Variants in MSC observed in about 807,000 individuals in gnomAD.
MSC encodes the protein activated B-cell factor 1, homolog of mouse musculin.
A neutral mutation model predicts 14.4 loss-of-function variants in MSC; 16 were observed. The observed-to-expected ratio is 1.11, with a 90% CI of 0.75 to 1.69. The LOEUF is 1.69. MSC is among the 40% of genes most tolerant of loss of function. The probability of loss-of-function intolerance (pLI) is 0.00; values close to 1 mark genes in which losing one functional copy is unlikely to be tolerated. For missense variants in MSC, 320 were observed against 288.1 expected (o/e 1.11, Z -0.80); for synonymous variants, 165 against 128.5 (o/e 1.28, Z -1.92).
Position 71,843,891 on chromosome 8 carries a change from C to G in MSC, c.288G>C (p.Pro96=). The change falls in exon 1 of 2, where the codon CCG becomes CCC. Residue 96 remains proline, a synonymous_variant. Transcript: ENST00000325509. ...TGCACTCTGCGGCTGAGCCCTTGGC[C>G]GGGAGGGGCTTCTTGCCACCACCGC... The part of the protein sequence containing the change: ...SAGGGGKKPL[P]AKGSAAECKQ... The G allele has an allele frequency of 1.9e-6, 3 of 1,602,392 alleles. No homozygotes were observed. The highest frequency in any genetic ancestry group is 2.6e-6 in the Non-Finnish European group (3 of 1,175,006).
chr8:71,843,913 C>T lies in MSC; in HGVS notation c.266G>A (p.Gly89Asp). 2 of 1,584,126 alleles carry T rather than the reference C, an allele frequency of 1.3e-6. No individual in the cohort carries two copies. The highest frequency in any genetic ancestry group is 1.1e-5 in the South Asian group (1 of 88,188). ...GGCCGGGAGGGGCTTCTTGCCACCA[C>T]CGCCCGCGCTACCACCTGCGCCGCC... The part of the protein sequence containing the change: ...GGGGAGGSAG[G>D]GGKKPLPAKG... The change falls in exon 1 of 2, where the codon GGT becomes GAT. Residue 89 changes from glycine to aspartate, a missense_variant. By Grantham distance (94) the Gly-to-Asp change is moderately conservative (BLOSUM62 -1). Coordinates refer to ENST00000325509, the MANE Select transcript of MSC (RefSeq NM_005098.4).
chr8:71,841,603 T>G lies in MSC; in HGVS notation c.*1058A>C, dbSNP rs1164987733. The G allele has an allele frequency of 1.3e-5, 2 of 152,172 alleles. No homozygotes were observed. Among genetic ancestry groups the G allele is most frequent in the African/African-American group, 4.8e-5 (2 of 41,442 alleles). 9.4% of individuals were successfully genotyped at this position (152,172 alleles called of 1,614,324 possible). A position where few individuals can be genotyped will look rare whatever the true frequency, so the allele number is the denominator to read the frequency against. ...TTTTATTATTCATAAAAAAATAAAT[T>G]TATTTACATATGTTATTTCCTGTGG... is the stretch of plus-strand genomic sequence containing the variant. On this transcript the variant is annotated 3_prime_UTR_variant, in exon 2 of 2. Transcript: ENST00000325509.
chr8:71,842,035 T>C lies in MSC; in HGVS notation c.*626A>G, dbSNP rs16937841. The C allele has an allele frequency of 0.017, 2,591 of 154,620 alleles. 75 individuals carry two copies. Among genetic ancestry groups the C allele is most frequent in the African/African-American group, 0.059 (2,445 of 41,582 alleles). 9.6% of individuals were successfully genotyped at this position (154,620 alleles called of 1,614,324 possible). A position where few individuals can be genotyped will look rare whatever the true frequency, so the allele number is the denominator to read the frequency against. On this transcript the variant is annotated 3_prime_UTR_variant, in exon 2 of 2. Transcript: ENST00000325509. ...CAGAGCTCTCCGGGTAAAACCCGCCTGCGGTGATCTGGGAAGTGTGTCTCC... is the reference window on the plus strand; with the variant it reads ...CAGAGCTCTCCGGGTAAAACCCGCCCGCGGTGATCTGGGAAGTGTGTCTCC...
chr8:71,843,797 A>G lies in MSC; in HGVS notation c.382T>C (p.Ser128Pro). 6.2e-7 allele frequency: 1 copy of G among 1,613,832 alleles called. No homozygotes were observed. Among genetic ancestry groups the G allele is most frequent in the East Asian group, 2.2e-5 (1 of 44,886 alleles). ...CAGGGCAGGCTGGTCTTGAGCCTGG[A>G]GAAGGCTTTGCTCAGCACGCGCATC... ...ARMRVLSKAFSRLKTSLPWVP... is the reference protein window; with the variant it reads ...ARMRVLSKAFPRLKTSLPWVP... The change falls in exon 1 of 2, where the codon TCC (serine) becomes CCC (proline). Residue 128 changes from serine to proline, a missense_variant. By Grantham distance (74) the Ser-to-Pro change is moderately conservative. Coordinates refer to ENST00000325509, the MANE Select transcript of MSC (RefSeq NM_005098.4).
At position 71,843,942 on chromosome 8, in the gene MSC, C is replaced by G. The variant is rs777176112; in HGVS notation, c.237G>C (p.Gly79=). Residue 79 remains glycine (G), a synonymous_variant, in exon 1 of 2, where the codon GGG becomes GGC. Transcript: ENST00000325509. ...CCGCGCTACCACCTGCGCCGCCGCC[C>G]CCAGCCACACGGGGCCGCTTCCTCT... ...GCKRKRPRVA[G]GGGAGGSAGG... is the part of the protein sequence containing the mutation. 1.3e-6 allele frequency: 2 copies of G among 1,563,672 alleles called. No individual in the cohort carries two copies. Among genetic ancestry groups the G allele is most frequent in the Admixed American group, 1.9e-5 (1 of 53,150 alleles).
intron 1 of MSC, chr8:71,843,111 C>G (rs1807424256): frequency 2.9e-6 from 1 of 342,050 alleles, no homozygotes; most frequent in South Asian, 2.6e-5. Flanking sequence ...CAAGTAGGAA[C>G]TGGGCTTGGA....
rs1807386340 is a variant in MSC, at chr8:71,841,907, A to T, written c.*754T>A. On this transcript the variant is annotated 3_prime_UTR_variant, in exon 2 of 2. Transcript: ENST00000325509. ...GCGGGGCTTGGGGAGGCTTCAGCCCAGAAGTGGAGAGGGTTGACAGACGCC... is the reference window on the plus strand; with the variant it reads ...GCGGGGCTTGGGGAGGCTTCAGCCCTGAAGTGGAGAGGGTTGACAGACGCC... The T allele has an allele frequency of 1.3e-5, 2 of 152,742 alleles. No individual in the cohort carries two copies. The highest frequency in any genetic ancestry group is 4.1e-4 in the South Asian group (2 of 4,838). 9.5% of individuals were successfully genotyped at this position (152,742 alleles called of 1,614,324 possible).
In MSC at chr8:71,844,216, C is replaced by A. The variant is rs757576774; in HGVS notation, c.-38G>T. 4.5e-4 allele frequency: 721 copies of A among 1,599,236 alleles called. No homozygotes were observed. The highest frequency in any genetic ancestry group is 5.7e-4 in the Non-Finnish European group (672 of 1,172,892). ...CTTGCCCACACGCGTCCTCTTTCCTCCCCCCTGGCCAGTCTCGCTGTCTCC... is the reference window on the plus strand; with the variant it reads ...CTTGCCCACACGCGTCCTCTTTCCTACCCCCTGGCCAGTCTCGCTGTCTCC... On this transcript the variant is annotated 5_prime_UTR_variant, in exon 1 of 2. Transcript: ENST00000325509.
rs1585712600 is a variant in MSC at position 71,842,366 on chromosome 8, T to G, written c.*295A>C. The stretch of plus-strand genomic sequence containing the variant: ...CGCGGGCTGGGGCAGCAGCCGAGAG[T>G]TAGTCTACAGAGCTAGGGCCCGAGG... On this transcript the variant is annotated 3_prime_UTR_variant, in exon 2 of 2. Coordinates refer to ENST00000325509, the MANE Select transcript of MSC (RefSeq NM_005098.4). 1.1e-5 allele frequency: 4 copies of G among 379,758 alleles called. No individual in the cohort carries two copies. The highest frequency in any genetic ancestry group is 1.1e-4 in the East Asian group (2 of 17,668). 23.5% of individuals were successfully genotyped at this position (379,758 alleles called of 1,614,324 possible).
Position 71,844,066 on chromosome 8 carries a change from T to G in MSC, c.113A>C (p.Tyr38Ser), listed in dbSNP as rs1031589354. ...RPPLRGVERS[Y>S]ASPSDNSSAE... The stretch of plus-strand genomic sequence containing the variant: ...CGACGAGTTGTCACTGGGCGAGGCG[T>G]AGCTGCGCTCTACGCCGCGGAGGGG... Residue 38 changes from tyrosine (Y) to serine (S), a missense_variant, in exon 1 of 2, where the codon TAC becomes TCC. Coordinates refer to ENST00000325509, the MANE Select transcript of MSC (RefSeq NM_005098.4). 12 of 1,529,026 alleles carry G rather than the reference T, an allele frequency of 7.8e-6. No homozygotes were observed. The African/African-American group carries it at 1.4e-4, about 18-fold the overall frequency. The allele number at this position is 1,529,026 out of a possible 1,614,324, so 94.7% of individuals were successfully genotyped here.
In MSC at chr8:71,844,080, G is replaced by A. The variant is rs756904680; in HGVS notation, c.99C>T (p.Gly33=). The A allele has an allele frequency of 2.1e-5, 32 of 1,515,990 alleles. No individual in the cohort carries two copies. The South Asian group carries it at 3.2e-4, about 15-fold the overall frequency. The allele number at this position is 1,515,990 out of a possible 1,614,324, so 93.9% of individuals were successfully genotyped here. A position where few individuals can be genotyped will look rare whatever the true frequency, so the allele number is the denominator to read the frequency against. Residue 33 remains glycine (G), a synonymous_variant, in exon 1 of 2, where the codon GGC becomes GGT. Transcript: ENST00000325509. ...VPASKRPPLR[G]VERSYASPSD... is the part of the protein sequence containing the mutation. ...TGGGCGAGGCGTAGCTGCGCTCTAC[G>A]CCGCGGAGGGGCGGCCTCTTGGAGG...
rs1352699099 is a variant in MSC at position 71,842,392 on chromosome 8, G to A, written c.*269C>T. On this transcript the variant is annotated 3_prime_UTR_variant, in exon 2 of 2. Transcript: ENST00000325509. Reference sequence around the variant, plus strand: ...TAGTCTACAGAGCTAGGGCCCGAGGGTGGACCTGCGTCCGCGTCTCGTCAC... The same window carrying A: ...TAGTCTACAGAGCTAGGGCCCGAGGATGGACCTGCGTCCGCGTCTCGTCAC... 9.0e-6 allele frequency: 4 copies of A among 443,366 alleles called. No individual in the cohort carries two copies. Among genetic ancestry groups the A allele is most frequent in the African/African-American group, 6.0e-5 (3 of 49,730 alleles). 27.5% of individuals were successfully genotyped at this position (443,366 alleles called of 1,614,324 possible). A position where few individuals can be genotyped will look rare whatever the true frequency, so the allele number is the denominator to read the frequency against.
chr8:71,844,266 G>T lies in MSC; in HGVS notation c.-88C>A, dbSNP rs1807463938. ...CGCCTTCCGCTCCCTGGCGGAGGCG[G>T]AGGCCAGAGAGCGCTCCAAGGAAGA... On this transcript the variant is annotated 5_prime_UTR_variant, in exon 1 of 2. Coordinates refer to ENST00000325509, the MANE Select transcript of MSC (RefSeq NM_005098.4). The T allele has an allele frequency of 6.4e-7, 1 of 1,569,996 alleles. No homozygotes were observed. Among genetic ancestry groups the T allele is most frequent in the Admixed American group, 1.7e-5 (1 of 58,346 alleles).
At chr8:71,843,056 A>G (rs1163203790) in intron 1 of MSC, 1 of 345,238 alleles carries the variant, frequency 2.9e-6, no homozygotes. Flanking sequence ...ACACGCACAC[A>G]CACACACACA....
chr8:71,841,614 T>C lies in MSC; in HGVS notation c.*1047A>G, dbSNP rs1367930501. 2 of 152,236 alleles carry C rather than the reference T, an allele frequency of 1.3e-5. No homozygotes were observed. Among genetic ancestry groups the C allele is most frequent in the African/African-American group, 4.8e-5 (2 of 41,470 alleles). 9.4% of individuals were successfully genotyped at this position (152,236 alleles called of 1,614,324 possible). On this transcript the variant is annotated 3_prime_UTR_variant, in exon 2 of 2. Transcript: ENST00000325509. ...ATAAAAAAATAAATTTATTTACATATGTTATTTCCTGTGGTAGTGCAGCCT... is the reference window on the plus strand; with the variant it reads ...ATAAAAAAATAAATTTATTTACATACGTTATTTCCTGTGGTAGTGCAGCCT...
At chr8:71,842,905 A>G in intron 1 of MSC, 158 bp from the exon 2 acceptor site, 1 of 675,950 alleles carries the variant, frequency 1.5e-6, no homozygotes, top group Non-Finnish European at 2.7e-6. Flanking sequence ...TAAGATTTTC[A>G]TTTTACTGGA....
chr8:71,843,979 G>C lies in MSC; in HGVS notation c.200C>G (p.Ala67Gly), dbSNP rs750993756. ...ERCALGTAGS[A>G]EGCKRKRPRV... The stretch of plus-strand genomic sequence containing the variant: ...GGGCCGCTTCCTCTTGCAGCCTTCC[G>C]CGCTGCCGGCTGTGCCCAGAGCGCA... The change falls in exon 1 of 2, where the codon GCG (alanine) becomes GGG (glycine). Residue 67 changes from alanine (A) to glycine (G), a missense_variant. Transcript: ENST00000325509. 1.3e-6 allele frequency: 2 copies of C among 1,562,562 alleles called. No individual in the cohort carries two copies. The highest frequency in any genetic ancestry group is 3.8e-5 in the Admixed American group (2 of 52,884).
At chr8:71,843,510 TG>T in intron 1 of MSC, 134 bp downstream of exon 1, 1 of 1,098,718 alleles carries the variant, frequency 9.1e-7, no homozygotes, top group Non-Finnish European at 1.4e-6. Context: ...GAAACTAAAC[TG>T]GCCTTCTCGT....
chr8:71,843,401 A>T (rs1018869119), intron 1 of MSC: 3 of 608,490 alleles, frequency 4.9e-6, no homozygotes, highest in Non-Finnish European at 8.8e-6. Context: ...GATATTAGTC[A>T]ATGGCTGTCA....
Sources: gnomAD v4.1 joint callset for allele counts on GRCh38, gnomAD v4.1.1 for gene constraint, MANE v1.5 for transcripts, NCBI Gene and HGNC (gene_info 2026-07-23, HGNC 2026-07-21) for gene names.